Variants in SLC35F1 observed in about 807,000 individuals in gnomAD.
SLC35F1 encodes the protein chromosome 6 open reading frame 169.
SLC35F1 carries 14 observed loss-of-function variants against 48.7 expected under a neutral mutation model. The observed-to-expected ratio is 0.29, with a 90% CI of 0.19 to 0.45. The LOEUF (loss-of-function observed/expected upper bound fraction) is 0.45, where lower values mean the gene tolerates loss of function less well. SLC35F1 is among the 20% of genes least tolerant of loss of function. SLC35F1 has a pLI of 1.00. For missense variants in SLC35F1, 404 were observed against 500.0 expected (o/e 0.81, Z 1.83); for synonymous variants, 190 against 202.2 (o/e 0.94, Z 0.51).
At chr6:117,945,842 AT>A (rs1457761754) in intron 1 of SLC35F1, among the ~76,000 whole-genome samples, 3 of 152,180 alleles carry the variant, frequency 2.0e-5, no homozygotes, top group Non-Finnish European at 2.9e-5. Context: ...AAGTTGCTCA[AT>A]ATTATGGTCC....
chr6:118,241,586 T>C (rs1332534085), intron 3 of SLC35F1, among the ~76,000 whole-genome samples: 1 of 151,734 alleles, frequency 6.6e-6, no homozygotes, highest in Admixed American at 6.6e-5. Flanking sequence ...TTCGTGTGTG[T>C]GTGTGTGTGT....
chr6:118,292,684 GT>G (rs1051899590), intron 7 of SLC35F1, among the ~76,000 whole-genome samples: 8 of 91,658 alleles, frequency 8.7e-5, no homozygotes, highest in African/African-American at 4.0e-4. Flanking sequence ...TGATTATTTG[GT>G]TGTTTTTTTT....
intron 1 of SLC35F1, among the ~76,000 whole-genome samples, chr6:118,008,445 TTTAAA>T (rs1253874119): frequency 6.6e-6 from 1 of 152,124 alleles, no homozygotes; most frequent in Non-Finnish European, 1.5e-5. Flanking sequence ...GGGGTCAATA[TTTAAA>T]TTAATTTCAG....
At chr6:118,310,343 G>A (rs973402819) in intron 7 of SLC35F1, among the ~76,000 whole-genome samples, 2 of 152,130 alleles carry the variant, frequency 1.3e-5, no homozygotes, top group African/African-American at 4.8e-5. Context: ...TTTCTTTGCA[G>A]TTAGTAAGTA....
chr6:118,312,416 C>A (rs1347922573), intron 7 of SLC35F1, among the ~76,000 whole-genome samples: 1 of 152,072 alleles, frequency 6.6e-6, no homozygotes, highest in Non-Finnish European at 1.5e-5. Flanking sequence ...TCTTTTTATA[C>A]CATTTTATTT....
chr6:118,008,576 C>T (rs1377243054), intron 1 of SLC35F1, among the ~76,000 whole-genome samples: 1 of 152,162 alleles, frequency 6.6e-6, no homozygotes, highest in Non-Finnish European at 1.5e-5. Flanking sequence ...ATGGGCCTGA[C>T]CTTATGGAGC....
chr6:117,970,392 G>A (rs1451689351), intron 1 of SLC35F1, among the ~76,000 whole-genome samples: 1 of 152,166 alleles, frequency 6.6e-6, no homozygotes. Flanking sequence ...CCTCCTTATA[G>A]CATTCTAGAA....
At chr6:118,245,400 C>T (rs1200335189) in intron 3 of SLC35F1, among the ~76,000 whole-genome samples, 1 of 152,124 alleles carries the variant, frequency 6.6e-6, no homozygotes, top group Non-Finnish European at 1.5e-5. Flanking sequence ...GTTTGTGTGA[C>T]CTTGTGGCCT....
At chr6:118,204,490 G>A (rs770523601) in intron 2 of SLC35F1, among the ~76,000 whole-genome samples, 13 of 152,216 alleles carry the variant, frequency 8.5e-5, no homozygotes, top group South Asian at 2.1e-4. Context: ...ATATCTTCTC[G>A]TAATTTCTGA....
At chr6:118,030,572 T>G (rs1297015421) in intron 1 of SLC35F1, among the ~76,000 whole-genome samples, 1 of 152,108 alleles carries the variant, frequency 6.6e-6, no homozygotes, top group Non-Finnish European at 1.5e-5. Context: ...TTGAGTTTCA[T>G]CCAGGAGTCT....
intron 2 of SLC35F1, among the ~76,000 whole-genome samples, chr6:118,190,204 AG>A (rs1349322367): frequency 6.6e-6 from 1 of 152,220 alleles, no homozygotes; most frequent in African/African-American, 2.4e-5. Flanking sequence ...ACTGGGAAAC[AG>A]TAGAACAGTG....
chr6:118,180,775 C>T (rs1468037683), intron 2 of SLC35F1, among the ~76,000 whole-genome samples: 1 of 151,974 alleles, frequency 6.6e-6, no homozygotes, highest in Non-Finnish European at 1.5e-5. Flanking sequence ...GGGAGATGGG[C>T]ACTAAAGAGA....
chr6:118,099,040 G>A (rs1773219474), intron 1 of SLC35F1, among the ~76,000 whole-genome samples: 1 of 152,168 alleles, frequency 6.6e-6, no homozygotes, highest in African/African-American at 2.4e-5. Flanking sequence ...GTTGCATTAG[G>A]AAATGTGTTT....
intron 1 of SLC35F1, among the ~76,000 whole-genome samples, chr6:118,059,422 G>A (rs1772506236): frequency 1.3e-5 from 2 of 152,172 alleles, no homozygotes; most frequent in African/African-American, 4.8e-5. Flanking sequence ...TCAAGAAGTT[G>A]CCCTTTTTAA....
At chr6:117,960,155 A>G (rs181557202) in intron 1 of SLC35F1, among the ~76,000 whole-genome samples, 53 of 152,096 alleles carry the variant, frequency 3.5e-4, no homozygotes, top group African/African-American at 1.3e-3. Context: ...CGAGGAACTG[A>G]TAGTCTAGAG....
intron 2 of SLC35F1, among the ~76,000 whole-genome samples, chr6:118,162,616 C>T (rs908146406): frequency 3.9e-5 from 6 of 152,134 alleles, no homozygotes; most frequent in Non-Finnish European, 7.4e-5. Flanking sequence ...AATAAGTTAT[C>T]ACTGGGCCTA....
intron 1 of SLC35F1, among the ~76,000 whole-genome samples, chr6:118,023,723 G>A (rs1354569880): frequency 2.6e-5 from 4 of 152,076 alleles, no homozygotes; most frequent in East Asian, 1.9e-4. Flanking sequence ...TTAATATTAA[G>A]GTTATCATCT....
chr6:118,226,703 G>C (rs1190075843), intron 2 of SLC35F1, among the ~76,000 whole-genome samples: 1 of 152,170 alleles, frequency 6.6e-6, no homozygotes. Flanking sequence ...CAGACGCTGG[G>C]AAGAGTAGAG....
chr6:118,200,387 C>T (rs1774859649), intron 2 of SLC35F1, among the ~76,000 whole-genome samples: 1 of 152,130 alleles, frequency 6.6e-6, no homozygotes, highest in Admixed American at 6.6e-5. Flanking sequence ...TAAGTGGAAA[C>T]ACCAGGAGTA....
Sources: allele counts gnomAD v4.1 joint callset (sites outside exome capture counted in the v4.1 genomes callset), GRCh38; gene constraint gnomAD v4.1.1; transcripts MANE v1.5; gene names NCBI Gene and HGNC (gene_info 2026-07-23, HGNC 2026-07-21).